JAK2: variants seen among roughly 807,000 people sequenced by gnomAD.
The protein encoded by JAK2 is Janus kinase 2, also known as tyrosine-protein kinase JAK2.
A neutral mutation model predicts 139.3 loss-of-function variants in JAK2; 86 were observed. The observed-to-expected ratio is 0.62, with a 90% CI of 0.52 to 0.74. JAK2 has a LOEUF of 0.74. Among genes scored for constraint, JAK2 ranks in the 30% least tolerant of loss-of-function variants. The probability of loss-of-function intolerance (pLI) is 0.00; values close to 1 mark genes in which losing one functional copy is unlikely to be tolerated. For synonymous variants in JAK2, 490 were observed against 437.7 expected (o/e 1.12, Z -1.49); for missense variants, 1,421 against 1,360.3 (o/e 1.04, Z -0.70).
chr9:5,097,344 A>G (rs1231104206), intron 22 of JAK2: 2 of 152,140 alleles, frequency 1.3e-5, no homozygotes, highest in Admixed American at 6.6e-5. Flanking sequence ...ATCCTATCTT[A>G]TATCAACATT....
chr9:5,109,552 T>G (rs1822264093), intron 22 of JAK2: 1 of 152,164 alleles, frequency 6.6e-6, no homozygotes, highest in Non-Finnish European at 1.5e-5. Context: ...CACCAATTAT[T>G]ACGTTAGTCA....
chr9:5,015,109 G>A (rs559239759), intron 2 of JAK2, among the ~76,000 whole-genome samples: 2 of 152,120 alleles, frequency 1.3e-5, no homozygotes, highest in Admixed American at 1.3e-4. Flanking sequence ...TAAAGCTATA[G>A]TTCATTTATT....
intron 2 of JAK2, among the ~76,000 whole-genome samples, chr9:5,010,303 T>C (rs1821609259): frequency 6.6e-6 from 1 of 152,254 alleles, no homozygotes; most frequent in South Asian, 2.1e-4. Flanking sequence ...ACCGTTATTA[T>C]TCATGCTTTA....
chr9:5,045,040 C>G (rs1468627644), intron 5 of JAK2, among the ~76,000 whole-genome samples: 1 of 152,180 alleles, frequency 6.6e-6, no homozygotes, highest in Non-Finnish European at 1.5e-5. Context: ...TTCACTAATA[C>G]AGTTATGTCA....
chr9:5,040,855 G>A (rs528755105), intron 4 of JAK2: 1 of 228,052 alleles, frequency 4.4e-6, no homozygotes, highest in South Asian at 4.4e-5. Context: ...GCGCGAGCAG[G>A]AGAGGGGCCG....
At chr9:5,044,332 G>A (rs1816840360) in intron 4 of JAK2, 71 bp from the exon 5 acceptor site, 2 of 886,554 alleles carry the variant, frequency 2.3e-6, no homozygotes, top group African/African-American at 3.3e-5. Context: ...TGCTGTAGGT[G>A]ACTATATATA....
At chr9:5,107,559 T>A (rs1234919995) in intron 22 of JAK2, among the ~76,000 whole-genome samples, 1 of 152,160 alleles carries the variant, frequency 6.6e-6, no homozygotes, top group Non-Finnish European at 1.5e-5. Context: ...AAGGGTTAGA[T>A]TGAATTGAAT....
intron 5 of JAK2, among the ~76,000 whole-genome samples, chr9:5,049,083 A>C (rs1817233416): frequency 6.6e-6 from 1 of 152,178 alleles, no homozygotes; most frequent in Non-Finnish European, 1.5e-5. Flanking sequence ...ATAGTTAATA[A>C]AGTTATCAGC....
chr9:5,122,530 C>G (rs780832561), intron 22 of JAK2, among the ~76,000 whole-genome samples: 1 of 152,014 alleles, frequency 6.6e-6, no homozygotes, highest in African/African-American at 2.4e-5. Context: ...TCTACAGAGA[C>G]AAAAATAAAT....
intron 5 of JAK2, among the ~76,000 whole-genome samples, chr9:5,048,244 T>A (rs545691357): frequency 5.3e-5 from 8 of 152,098 alleles, no homozygotes; most frequent in African/African-American, 1.9e-4. Flanking sequence ...CAGGTTCAAG[T>A]GATTCTCCTG....
At position 5,050,766 on chromosome 9, in the gene JAK2, G is replaced by C. The variant is rs1201288158; in HGVS notation, c.549G>C (p.Val183=). The change falls in exon 6 of 25, where the codon GTG becomes GTC. Residue 183 remains valine (V), a synonymous_variant. Transcript: ENST00000381652. ...AGGAAGAATGTCTTGGGATGGCAGTGTTAGATATGATGAGAATAGCCAAAG... is the reference window on the plus strand; with the variant it reads ...AGGAAGAATGTCTTGGGATGGCAGTCTTAGATATGATGAGAATAGCCAAAG... ...ETQEECLGMA[V]LDMMRIAKEN... is the part of the protein sequence containing the mutation. The C allele has an allele frequency of 1.2e-6, 2 of 1,613,146 alleles. No individual in the cohort carries two copies. Among genetic ancestry groups the C allele is most frequent in the Non-Finnish European group, 1.7e-6 (2 of 1,179,308 alleles).
chr9:5,028,565 C>T (rs780956906), intron 3 of JAK2, among the ~76,000 whole-genome samples: 3 of 152,196 alleles, frequency 2.0e-5, no homozygotes, highest in East Asian at 3.8e-4. Flanking sequence ...TTCTTTCTAG[C>T]TATGAAACTA....
chr9:5,024,043 T>C (rs1334508224), intron 3 of JAK2, among the ~76,000 whole-genome samples: 3 of 152,084 alleles, frequency 2.0e-5, no homozygotes, highest in East Asian at 1.9e-4. Context: ...GATCACAAGA[T>C]CAGGAGATCG....
rs529954805 is a variant in JAK2, at chr9:5,042,581, T to C, written c.351-1822T>C. On this transcript the variant is annotated intron_variant, in intron 4 of 24. Coordinates refer to ENST00000381652, the MANE Select transcript of JAK2 (RefSeq NM_004972.4). ...TTTGCTGAAGTGAGTAGTGGGATCC[T>C]GGAGGCCCCCAGGGCTGAGGCCCAG... Among the ~76,000 whole-genome samples the C allele has an allele frequency of 2.7e-4, 40 of 147,562 alleles. No homozygotes were observed. In the South Asian group the frequency reaches 8.2e-3, roughly 30 times the overall value.
At chr9:5,108,784 C>T (rs1251944222) in intron 22 of JAK2, 1 of 152,124 alleles carries the variant, frequency 6.6e-6, no homozygotes, top group Admixed American at 6.5e-5. Flanking sequence ...ATTGCCTACT[C>T]CTCTGTAAGC....
chr9:5,096,807 C>T (rs1317312558), intron 22 of JAK2: 1 of 152,134 alleles, frequency 6.6e-6, no homozygotes, highest in Non-Finnish European at 1.5e-5. Context: ...AGGAACTCTG[C>T]TAGGAGATGA....
At chr9:5,086,439 G>C (rs1053607492) in intron 19 of JAK2, among the ~76,000 whole-genome samples, 1 of 152,132 alleles carries the variant, frequency 6.6e-6, no homozygotes, top group African/African-American at 2.4e-5. Context: ...GAAATTATCA[G>C]CATCATTCTC....
intron 5 of JAK2, among the ~76,000 whole-genome samples, chr9:5,044,749 T>C (rs1283958298): frequency 6.6e-6 from 1 of 152,232 alleles, no homozygotes; most frequent in Admixed American, 6.5e-5. Flanking sequence ...TCCTTTTGAA[T>C]TTCTTTCTTT....
intron 2 of JAK2, among the ~76,000 whole-genome samples, chr9:5,016,098 G>C (rs184732130): frequency 2.1e-4 from 32 of 150,096 alleles, no homozygotes; most frequent in Admixed American, 3.3e-4. Flanking sequence ...ACTGCCAGCC[G>C]TCGCTTCCCT....
Sources: allele counts gnomAD v4.1 joint callset (sites outside exome capture counted in the v4.1 genomes callset), GRCh38; gene constraint gnomAD v4.1.1; transcripts MANE v1.5; gene names NCBI Gene and HGNC (gene_info 2026-07-23, HGNC 2026-07-21).